Variants in RBFOX3 observed in about 807,000 individuals in gnomAD.
RBFOX3 encodes RNA binding fox-1 homolog 3.
RBFOX3 carries 17 observed loss-of-function variants against 48.7 expected under a neutral mutation model. The observed-to-expected ratio is 0.35, with a 90% CI of 0.24 to 0.52. The LOEUF (loss-of-function observed/expected upper bound fraction) is 0.52, where lower values mean the gene tolerates loss of function less well. Among genes scored for constraint, RBFOX3 ranks in the 20% least tolerant of loss-of-function variants. The pLI is 0.94. For synonymous variants in RBFOX3, 212 were observed against 209.5 expected (o/e 1.01, Z -0.10); for missense variants, 382 against 497.5 (o/e 0.77, Z 2.21).
chr17:79,183,227 CGGGCCGGGGGCCG>C lies in RBFOX3; in HGVS notation c.-34+52526_-34+52538del, dbSNP rs1486032761. The stretch of plus-strand genomic sequence containing the variant: ...GCGGCAGCGCGGGGCGCACGTGCGC[CGGGCCGGGGGCCG>C]GGGCCGGGCGGGGGGCCGCTTACCT... On this transcript the variant is annotated intron_variant, in intron 4 of 14. Coordinates refer to ENST00000693108, the MANE Select transcript of RBFOX3 (RefSeq NM_001350451.2). 6.7e-5 allele frequency: 10 copies of C among 150,118 alleles called. No individual in the cohort carries two copies. In the South Asian group the frequency reaches 1.6e-3, roughly 24 times the overall value. 9.3% of individuals were successfully genotyped at this position (150,118 alleles called of 1,614,324 possible).
chr17:79,492,559 C>T (rs2080845570), intron 1 of RBFOX3, among the ~76,000 whole-genome samples: 1 of 152,208 alleles, frequency 6.6e-6, no homozygotes, highest in Admixed American at 6.5e-5. Context: ...CCCAGTTGAG[C>T]CTTCCCATGC....
intron 3 of RBFOX3, among the ~76,000 whole-genome samples, chr17:79,259,414 C>T (rs373122763): frequency 6.6e-6 from 1 of 152,142 alleles, no homozygotes. Context: ...ACCCCAGAGG[C>T]GAATGGGAAG....
chr17:79,620,920 G>A, the RBFOX3 span, among the ~76,000 whole-genome samples: 1 of 152,090 alleles, frequency 6.6e-6, no homozygotes. Flanking sequence ...TTTCAGGCTG[G>A]TTTCTTCTAC....
At chr17:79,478,646 T>C (rs1598873548) in intron 2 of RBFOX3, among the ~76,000 whole-genome samples, 1 of 150,956 alleles carries the variant, frequency 6.6e-6, no homozygotes, top group East Asian at 1.9e-4. Flanking sequence ...CCCATGAGAG[T>C]GGTGAAGGGG....
At chr17:79,284,860 C>A (rs1213104093) in intron 3 of RBFOX3, among the ~76,000 whole-genome samples, 1 of 152,112 alleles carries the variant, frequency 6.6e-6, no homozygotes, top group East Asian at 1.9e-4. Context: ...TTTATGACTG[C>A]CCTGATGGAC....
intron 2 of RBFOX3, among the ~76,000 whole-genome samples, chr17:79,321,922 T>C (rs1363246339): frequency 1.3e-5 from 2 of 152,216 alleles, no homozygotes; most frequent in Non-Finnish European, 2.9e-5. Flanking sequence ...GCCAGACTGG[T>C]CTTGAACTCC....
chr17:79,589,863 C>T (rs1008428779), intron 1 of RBFOX3, among the ~76,000 whole-genome samples: 101 of 152,262 alleles, frequency 6.6e-4, no homozygotes, highest in Non-Finnish European at 1.2e-3. Context: ...TGGACACCAG[C>T]GTTTGATGTG....
At chr17:79,175,746 T>C (rs886330876) in intron 4 of RBFOX3, among the ~76,000 whole-genome samples, 8 of 152,278 alleles carry the variant, frequency 5.3e-5, no homozygotes, top group Non-Finnish European at 1.2e-4. Context: ...CTGAGGGTGA[T>C]TAAGAGGCTG....
intron 4 of RBFOX3, among the ~76,000 whole-genome samples, chr17:79,158,430 G>T (rs771276621): frequency 6.6e-5 from 10 of 152,206 alleles, no homozygotes; most frequent in Non-Finnish European, 1.5e-4. Flanking sequence ...GATGTGAAGA[G>T]CCTGGAGCAG....
the RBFOX3 span, among the ~76,000 whole-genome samples, chr17:79,620,457 A>ACACACATG: frequency 6.7e-6 from 1 of 149,172 alleles, no homozygotes; most frequent in African/African-American, 2.5e-5. Flanking sequence ...ACACATGCGC[A>ACACACATG]CACACATGCA....
intron 1 of RBFOX3, among the ~76,000 whole-genome samples, chr17:79,486,037 C>T (rs1400365307): frequency 6.6e-6 from 1 of 152,282 alleles, no homozygotes; most frequent in African/African-American, 2.4e-5. Context: ...CGCCCCACCC[C>T]TTGGTGCTGC....
At chr17:79,380,104 G>A (rs1194446807) in intron 2 of RBFOX3, among the ~76,000 whole-genome samples, 2 of 151,748 alleles carry the variant, frequency 1.3e-5, no homozygotes, top group Non-Finnish European at 2.9e-5. Flanking sequence ...TGACCGCATG[G>A]CCATCATCTC....
At chr17:79,655,007 G>A in the RBFOX3 span, among the ~76,000 whole-genome samples, 3 of 152,310 alleles carry the variant, frequency 2.0e-5, no homozygotes, top group African/African-American at 4.8e-5. Context: ...CAAAGCGACT[G>A]GACCATGCCA....
At chr17:79,179,290 A>C (rs1362841916) in intron 4 of RBFOX3, among the ~76,000 whole-genome samples, 1 of 152,248 alleles carries the variant, frequency 6.6e-6, no homozygotes, top group Non-Finnish European at 1.5e-5. Context: ...TTCCACAACC[A>C]GAGGGAACGT....
chr17:79,306,443 T>C (rs28764186), intron 3 of RBFOX3, among the ~76,000 whole-genome samples: 51,886 of 152,210 alleles, frequency 0.34, 10,758 homozygotes, highest in East Asian at 0.47. Context: ...GCTGCCAGCC[T>C]ACCCTGGCAC....
intron 2 of RBFOX3, among the ~76,000 whole-genome samples, chr17:79,353,863 T>C (rs529115688): frequency 2.7e-4 from 41 of 152,302 alleles, no homozygotes; most frequent in African/African-American, 8.9e-4. Context: ...GTCCTGCAGA[T>C]GAGGTGTGCA....
chr17:79,590,385 G>T (rs1879363947), intron 1 of RBFOX3, among the ~76,000 whole-genome samples: 1 of 152,164 alleles, frequency 6.6e-6, no homozygotes, highest in African/African-American at 2.4e-5. Flanking sequence ...ATTGCCCTTT[G>T]TTTAAAAGGC....
chr17:79,516,046 C>T (rs1237665977), intron 1 of RBFOX3: 2 of 152,270 alleles, frequency 1.3e-5, no homozygotes, highest in African/African-American at 4.8e-5. Flanking sequence ...ACCAGGCCAA[C>T]AGAGAGAGAG....
chr17:79,357,256 A>G (rs1171178549), intron 2 of RBFOX3, among the ~76,000 whole-genome samples: 1 of 152,246 alleles, frequency 6.6e-6, no homozygotes, highest in East Asian at 1.9e-4. Flanking sequence ...AAAGAGCGCC[A>G]CTTGTAAGCT....
Sources: allele counts gnomAD v4.1 joint callset (sites outside exome capture counted in the v4.1 genomes callset), GRCh38; gene constraint gnomAD v4.1.1; transcripts MANE v1.5; gene names NCBI Gene and HGNC (gene_info 2026-07-23, HGNC 2026-07-21).